The following RERE variants were observed in gnomAD, a reference collection of about 807,000 sequenced individuals.
The protein encoded by RERE is arginine-glutamic acid dipeptide repeats protein.
A neutral mutation model predicts 146.1 loss-of-function variants in RERE; 40 were observed. The observed-to-expected ratio is 0.27, with a 90% CI of 0.21 to 0.36. RERE has a LOEUF of 0.36. Among genes scored for constraint, RERE ranks in the 10% least tolerant of loss-of-function variants. The probability of loss-of-function intolerance (pLI) is 1.00; values close to 1 mark genes in which losing one functional copy is unlikely to be tolerated. For missense variants in RERE, 1,933 were observed against 2,138.7 expected, an observed-to-expected ratio of 0.90 and a Z score of 1.90; for synonymous variants, 1,003 against 866.0, an observed-to-expected ratio of 1.16 and a Z score of -2.78.
At chr1:8,440,266 A>G (rs1644228439) in intron 11 of RERE, among the ~76,000 whole-genome samples, 1 of 151,828 alleles carries the variant, frequency 6.6e-6, no homozygotes, top group Admixed American at 6.6e-5. Context: ...TGTGCCATGG[A>G]CCCTTTGGCA....
intron 12 of RERE, among the ~76,000 whole-genome samples, chr1:8,401,774 C>T (rs1394026564): frequency 1.3e-5 from 2 of 151,854 alleles, no homozygotes; most frequent in African/African-American, 4.8e-5. Context: ...AAAAAAAAAG[C>T]CTACTTTCCC....
At chr1:8,399,792 A>G (rs1304495975) in intron 12 of RERE, among the ~76,000 whole-genome samples, 1 of 150,368 alleles carries the variant, frequency 6.7e-6, no homozygotes, top group Non-Finnish European at 1.5e-5. Context: ...TTAATATTTT[A>G]TTATGTCTTT....
intron 1 of RERE, among the ~76,000 whole-genome samples, chr1:8,788,674 T>C (rs1438927907): frequency 1.3e-5 from 2 of 151,548 alleles, no homozygotes; most frequent in African/African-American, 4.9e-5. Flanking sequence ...GTGTTTTTTT[T>C]TTTTTTTAAG....
chr1:8,442,327 T>G (rs1444990712), intron 11 of RERE, among the ~76,000 whole-genome samples: 1 of 144,786 alleles, frequency 6.9e-6, no homozygotes, highest in African/African-American at 2.6e-5. Context: ...CGTTGCACAG[T>G]GGACCAAGAT....
At chr1:8,766,211 C>T (rs979704408) in intron 1 of RERE, among the ~76,000 whole-genome samples, 1 of 152,134 alleles carries the variant, frequency 6.6e-6, no homozygotes. Flanking sequence ...AGGATTTGAA[C>T]ATGCCAACTG....
chr1:8,581,896 CAT>C (rs1646370193), intron 4 of RERE, among the ~76,000 whole-genome samples: 1 of 151,982 alleles, frequency 6.6e-6, no homozygotes, highest in Admixed American at 6.6e-5. Flanking sequence ...GTAATAGGTA[CAT>C]AGAGATTTTT....
At chr1:8,462,473 G>A (rs1644539501) in intron 11 of RERE, among the ~76,000 whole-genome samples, 1 of 152,240 alleles carries the variant, frequency 6.6e-6, no homozygotes, top group African/African-American at 2.4e-5. Flanking sequence ...ACCGAGCTGA[G>A]ACTGGAGAAC....
chr1:8,354,861 G>C lies in RERE; in HGVS notation c.*226C>G. ...TTCAGTCCAGTCCAGGACTCACTAA[G>C]TTTCTGGGGGACTGTCATGCAGGGA... On this transcript the variant is annotated 3_prime_UTR_variant, in exon 23 of 23. Coordinates refer to ENST00000400908, the MANE Select transcript of RERE (RefSeq NM_001042681.2). 1 of 577,846 alleles carries C rather than the reference G, an allele frequency of 1.7e-6. No individual in the cohort carries two copies. The highest frequency in any genetic ancestry group is 3.0e-6 in the Non-Finnish European group (1 of 329,046). 35.8% of individuals were successfully genotyped at this position (577,846 alleles called of 1,614,324 possible).
At chr1:8,759,626 T>C (rs769212629) in intron 1 of RERE, among the ~76,000 whole-genome samples, 3 of 152,200 alleles carry the variant, frequency 2.0e-5, no homozygotes, top group South Asian at 2.1e-4. Context: ...TCAAGAGATA[T>C]GGGTGCCATT....
At chr1:8,635,406 T>C (rs146800371) in intron 2 of RERE, among the ~76,000 whole-genome samples, 34 of 152,342 alleles carry the variant, frequency 2.2e-4, no homozygotes, top group African/African-American at 7.5e-4. Context: ...ATTTAAAGTA[T>C]CTAAATGCTT....
rs181330651 is a variant in RERE at position 8,504,775 on chromosome 1, C to T, written c.879+3852G>A. On this transcript the variant is annotated intron_variant, in intron 8 of 22. Coordinates refer to ENST00000400908, the MANE Select transcript of RERE (RefSeq NM_001042681.2). ...GGCTGAGGCAGGAGAATGGCTTGAA[C>T]CCGGGAGGCGGAGGTTGCAGTGAGA... Among the ~76,000 whole-genome samples, 522 of 152,182 alleles carry T rather than the reference C, an allele frequency of 3.4e-3. 1 individual carries two copies. The highest frequency in any genetic ancestry group is 5.4e-3 in the Admixed American group (82 of 15,298).
chr1:8,573,194 T>C (rs1013367097), intron 4 of RERE, among the ~76,000 whole-genome samples: 1 of 152,172 alleles, frequency 6.6e-6, no homozygotes. Context: ...AACAGAACCA[T>C]CTGTACCAAA....
chr1:8,780,495 C>T (rs1641144640), intron 1 of RERE, among the ~76,000 whole-genome samples: 1 of 152,164 alleles, frequency 6.6e-6, no homozygotes, highest in South Asian at 2.1e-4. Context: ...AACCACTTTA[C>T]AATAAACAGC....
intron 2 of RERE, among the ~76,000 whole-genome samples, chr1:8,649,235 A>C (rs1223899609): frequency 6.6e-6 from 1 of 152,206 alleles, no homozygotes; most frequent in Non-Finnish European, 1.5e-5. Flanking sequence ...GACAACAAAG[A>C]AGTTAGATCT....
At chr1:8,702,935 T>C (rs1343196268) in intron 1 of RERE, 1 of 152,134 alleles carries the variant, frequency 6.6e-6, no homozygotes, top group Admixed American at 6.5e-5. Flanking sequence ...CCGAGTTCCA[T>C]CTTTCTAGGG....
At chr1:8,648,970 A>AT (rs1315489184) in intron 2 of RERE, among the ~76,000 whole-genome samples, 3 of 94,336 alleles carry the variant, frequency 3.2e-5, no homozygotes, top group Non-Finnish European at 7.2e-5. Context: ...ATATGCCAAA[A>AT]TAAAAAAAAA....
In RERE at chr1:8,600,750, CTTTTT is replaced by C. The variant is rs59816060; in HGVS notation, c.522+13806_522+13810del. ...AAATTACACTGAAAACAAGCCAATACTTTTTTTTTTTTTTTTTTTTTTGAGACAGA... is the reference window on the plus strand; with the variant it reads ...AAATTACACTGAAAACAAGCCAATACTTTTTTTTTTTTTTTTTGAGACAGA... On this transcript the variant is annotated intron_variant, in intron 4 of 22. Transcript: ENST00000400908. Among the ~76,000 whole-genome samples, 474 of 113,424 alleles carry C rather than the reference CTTTTT, an allele frequency of 4.2e-3. 1 individual carries two copies. Among genetic ancestry groups the C allele is most frequent in the Middle Eastern group, 9.7e-3 (2 of 206 alleles). 74.4% of individuals were successfully genotyped at this position (113,424 alleles called of 152,430 possible).
chr1:8,377,819 G>A lies in RERE; in HGVS notation c.1285-11845C>T, dbSNP rs114565810. The stretch of plus-strand genomic sequence containing the variant: ...GAGAGAGCGAGGCCTGCCGCAGGAC[G>A]TTTGAAAGGGATCATCAGTTATATC... On this transcript the variant is annotated intron_variant, in intron 12 of 22. Transcript: ENST00000400908. Among the ~76,000 whole-genome samples, 433 of 152,284 alleles carry A rather than the reference G, an allele frequency of 2.8e-3. 3 individuals carry two copies. Among genetic ancestry groups the A allele is most frequent in the African/African-American group, 9.9e-3 (412 of 41,550 alleles).
rs1643948994 is a variant in RERE, at chr1:8,423,602, G to A, written c.1204-795C>T. On this transcript the variant is annotated intron_variant, in intron 11 of 22. Transcript: ENST00000400908. The surrounding 1 kb of genome is among the most constrained non-coding windows in gnomAD (Gnocchi z 5.4). ...TGGTCCCGGGCGGCCGACCCCAGCA[G>A]CCACAGGTAAGCGCCCGGGGTCCGG... The A allele has an allele frequency of 8.1e-6, 8 of 985,232 alleles. No homozygotes were observed. In the South Asian group the frequency reaches 3.3e-4, roughly 41 times the overall value. 61.0% of individuals were successfully genotyped at this position (985,232 alleles called of 1,614,324 possible). A position where few individuals can be genotyped will look rare whatever the true frequency, so the allele number is the denominator to read the frequency against.
Sources: gnomAD v4.1 joint callset for allele counts (sites outside exome capture counted in the v4.1 genomes callset) on GRCh38, gnomAD v4.1.1 for gene constraint, Gnocchi (gnomAD v3.1) non-coding constraint, MANE v1.5 for transcripts, NCBI Gene and HGNC (gene_info 2026-07-23, HGNC 2026-07-21) for gene names.